KLF9: variants seen among roughly 807,000 people sequenced by gnomAD.
KLF9 encodes Krueppel-like factor 9.
Under a neutral mutation model 17.3 loss-of-function variants are expected in KLF9, and 2 were observed. The ratio of observed to expected loss-of-function variants is 0.12; its 90% CI spans 0.05 to 0.36. The LOEUF is 0.36. Ranked by LOEUF, KLF9 falls within the 10% of genes least tolerant of loss-of-function variation. The probability of loss-of-function intolerance (pLI) is 1.00; values close to 1 mark genes in which losing one functional copy is unlikely to be tolerated. For synonymous variants in KLF9, 138 were observed against 139.2 expected (o/e 0.99, Z 0.06); for missense variants, 226 against 333.2 (o/e 0.68, Z 2.51).
At chr9:70,406,957 C>CT (rs560637705) in intron 1 of KLF9, among the ~76,000 whole-genome samples, 2,971 of 137,798 alleles carry the variant, frequency 0.022, 32 homozygotes, top group Middle Eastern at 0.063. Flanking sequence ...TGCGACAAAG[C>CT]TTTTTTTTTT....
At chr9:70,388,228 C>G (rs1587737727) in intron 1 of KLF9, among the ~76,000 whole-genome samples, 1 of 152,112 alleles carries the variant, frequency 6.6e-6, no homozygotes, top group African/African-American at 2.4e-5. Context: ...TGATGTTAAA[C>G]AAGTTCATGA....
chr9:70,409,135 CATATATATGTATATGTATAT>C (rs1564089334), intron 1 of KLF9, among the ~76,000 whole-genome samples: 1 of 48,932 alleles, frequency 2.0e-5, no homozygotes. Context: ...TATATGTATA[CATATATATGTATATGTATAT>C]ATATACACAT....
In KLF9 at chr9:70,388,000, G is replaced by A. The variant is rs772506798; in HGVS notation, c.511C>T (p.Arg171Trp). 1 of 1,612,286 alleles carries A rather than the reference G, an allele frequency of 6.2e-7. No homozygotes were observed. Residue 171 changes from arginine to tryptophan, a missense_variant, in exon 2 of 2, where the codon CGG becomes TGG. By Grantham distance (101) the Arg-to-Trp change is moderately radical. Transcript: ENST00000377126. ...KAHYRVHTGE[R>W]PFPCTWPDCL... The stretch of plus-strand genomic sequence containing the variant: ...TCTGGCCACGTGCAGGGAAAGGGCC[G>A]TTCACCTAAGAGAAAGGAATCAGAA...
intron 1 of KLF9, among the ~76,000 whole-genome samples, chr9:70,395,678 T>G (rs1449525473): frequency 6.6e-6 from 1 of 152,206 alleles, no homozygotes; most frequent in African/African-American, 2.4e-5. Context: ...ACGTGGTGGT[T>G]CATGCCTGTA....
At position 70,386,497 on chromosome 9, in the gene KLF9, A is replaced by G. The variant is rs2037111352; in HGVS notation, c.*1279T>C. The G allele has an allele frequency of 6.6e-6, 1 of 152,602 alleles. No individual in the cohort carries two copies. The highest frequency in any genetic ancestry group is 6.5e-5 in the Admixed American group (1 of 15,278). 9.5% of individuals were successfully genotyped at this position (152,602 alleles called of 1,614,324 possible). On this transcript the variant is annotated 3_prime_UTR_variant, in exon 2 of 2. Coordinates refer to ENST00000377126, the MANE Select transcript of KLF9 (RefSeq NM_001206.4). ...TATTTTCCCTTGGTGTTCACTAGTT[A>G]TAGGGGTTGATTTTTCTGTTCCTAT...
At position 70,387,703 on chromosome 9, in the gene KLF9, T is replaced by C; in HGVS notation, c.*73A>G. ...GTGTGCCTCTTCTGGGGCTCAGTTTTCACGCGTCTGTTTCCTGGGAGTACT... is the reference window on the plus strand; with the variant it reads ...GTGTGCCTCTTCTGGGGCTCAGTTTCCACGCGTCTGTTTCCTGGGAGTACT... On this transcript the variant is annotated 3_prime_UTR_variant, in exon 2 of 2. Transcript: ENST00000377126. 7.4e-7 allele frequency: 1 copy of C among 1,347,168 alleles called. No individual in the cohort carries two copies. The highest frequency in any genetic ancestry group is 1.1e-6 in the Non-Finnish European group (1 of 945,136). 83.5% of individuals were successfully genotyped at this position (1,347,168 alleles called of 1,614,324 possible). A position where few individuals can be genotyped will look rare whatever the true frequency, so the allele number is the denominator to read the frequency against.
chr9:70,413,461 C>T lies in KLF9; in HGVS notation c.-98G>A. On this transcript the variant is annotated 5_prime_UTR_variant, in exon 1 of 2. Coordinates refer to ENST00000377126, the MANE Select transcript of KLF9 (RefSeq NM_001206.4). The surrounding 1 kb of genome is among the most constrained non-coding windows in gnomAD (Gnocchi z 5.6). ...CTGGCCTCGGACGACGAGCGCGGCGCGGCGCGGCACGGCGCGGCGGCCAAG... is the reference window on the plus strand; with the variant it reads ...CTGGCCTCGGACGACGAGCGCGGCGTGGCGCGGCACGGCGCGGCGGCCAAG... 4 of 1,191,362 alleles carry T rather than the reference C, an allele frequency of 3.4e-6. No homozygotes were observed. The highest frequency in any genetic ancestry group is 3.4e-5 in the East Asian group (1 of 29,562). 73.8% of individuals were successfully genotyped at this position (1,191,362 alleles called of 1,614,324 possible).
chr9:70,395,196 G>A (rs1357585141), intron 1 of KLF9, among the ~76,000 whole-genome samples: 1 of 152,082 alleles, frequency 6.6e-6, no homozygotes, highest in Non-Finnish European at 1.5e-5. Flanking sequence ...TTCTGTACAT[G>A]GTAAATGGGG....
At chr9:70,403,015 T>A (rs982213197) in intron 1 of KLF9, among the ~76,000 whole-genome samples, 4 of 151,858 alleles carry the variant, frequency 2.6e-5, no homozygotes, top group Admixed American at 2.0e-4. Flanking sequence ...CCTGGCATGG[T>A]GGGGTGTGGC....
At chr9:70,403,098 C>T (rs1041484388) in intron 1 of KLF9, among the ~76,000 whole-genome samples, 2 of 151,992 alleles carry the variant, frequency 1.3e-5, no homozygotes, top group African/African-American at 4.8e-5. Flanking sequence ...TGCAGTGAGC[C>T]GAGATTGTGC....
intron 1 of KLF9, among the ~76,000 whole-genome samples, chr9:70,396,172 T>A (rs893314183): frequency 2.0e-5 from 3 of 152,256 alleles, no homozygotes; most frequent in East Asian, 1.9e-4. Flanking sequence ...GATTTATAAT[T>A]AATCCAGGGC....
At position 70,413,345 on chromosome 9, in the gene KLF9, T is replaced by A. The variant is rs1476826763; in HGVS notation, c.19A>T (p.Met7Leu). 6 of 1,560,996 alleles carry A rather than the reference T, an allele frequency of 3.8e-6. No homozygotes were observed. Among genetic ancestry groups the A allele is most frequent in the Non-Finnish European group, 5.2e-6 (6 of 1,155,184 alleles). ...AGACACTGGGCAGCCACGAAGTCCA[T>A]GTAGGCGGCCGCGGACATGGTGCGG... MSAAAYMDFVAAQCLVS... is the reference protein window; with the variant it reads MSAAAYLDFVAAQCLVS... Residue 7 changes from methionine to leucine, a missense_variant, in exon 1 of 2, where the codon ATG (methionine) becomes TTG (leucine). By Grantham distance (15) the Met-to-Leu change is conservative. Transcript: ENST00000377126. This position sits in a 1 kb window ranked among gnomAD's most constrained non-coding sequence, Gnocchi z 5.6.
In KLF9 at chr9:70,410,144, T is replaced by TA. The variant is rs576056105; in HGVS notation, c.505+2714dup. On this transcript the variant is annotated intron_variant, in intron 1 of 1. Coordinates refer to ENST00000377126, the MANE Select transcript of KLF9 (RefSeq NM_001206.4). Reference sequence around the variant, plus strand: ...GATTAAAATACGAGGTACTGCCCCATATCATGATCAGTTCAAGCCAATTGT... The same window carrying TA: ...GATTAAAATACGAGGTACTGCCCCATAATCATGATCAGTTCAAGCCAATTGT... Among the ~76,000 whole-genome samples the TA allele has an allele frequency of 2.0e-3, 305 of 152,366 alleles. 1 individual carries two copies. Among genetic ancestry groups the TA allele is most frequent in the Non-Finnish European group, 3.7e-3 (249 of 68,036 alleles).
chr9:70,393,849 C>T (rs7851391), intron 1 of KLF9, among the ~76,000 whole-genome samples: 47,316 of 151,770 alleles, frequency 0.31, 7,622 homozygotes, highest in East Asian at 0.5. Context: ...GGTGAAACCC[C>T]ATCTCTACCA....
rs766699349 is a variant in KLF9 at position 70,414,011 on chromosome 9, T to A, written c.-648A>T. On this transcript the variant is annotated 5_prime_UTR_variant, in exon 1 of 2. Transcript: ENST00000377126. ...AACCAAACCCCCTCCAATTGGCCAG[T>A]GGGGAGGGTGATTCAACTCTGTTTA... 1 of 152,646 alleles carries A rather than the reference T, an allele frequency of 6.6e-6. No homozygotes were observed. The highest frequency in any genetic ancestry group is 1.5e-5 in the Non-Finnish European group (1 of 68,122). The allele number at this position is 152,646 out of a possible 1,614,324, so 9.5% of individuals were successfully genotyped here.
chr9:70,409,022 GTATA>G (rs778803628), intron 1 of KLF9, among the ~76,000 whole-genome samples: 10 of 99,712 alleles, frequency 1.0e-4, no homozygotes, highest in South Asian at 6.1e-4. Context: ...ACACATATAT[GTATA>G]TATATATATG....
At chr9:70,397,232 T>C (rs546675503) in intron 1 of KLF9, among the ~76,000 whole-genome samples, 21 of 152,256 alleles carry the variant, frequency 1.4e-4, no homozygotes, top group African/African-American at 4.8e-4. Flanking sequence ...TCCAGCACTT[T>C]GGGAGGCCAA....
chr9:70,398,009 T>C (rs1302580565), intron 1 of KLF9, among the ~76,000 whole-genome samples: 2 of 152,180 alleles, frequency 1.3e-5, no homozygotes, highest in Non-Finnish European at 2.9e-5. Context: ...CAATGAACAC[T>C]GAACTCAAAA....
At chr9:70,397,647 T>C (rs1416982065) in intron 1 of KLF9, among the ~76,000 whole-genome samples, 1 of 152,004 alleles carries the variant, frequency 6.6e-6, no homozygotes, top group African/African-American at 2.4e-5. Flanking sequence ...ACAGTAACAG[T>C]AGGGTTGCCC....
Sources: allele counts gnomAD v4.1 joint callset (sites outside exome capture counted in the v4.1 genomes callset), GRCh38; gene constraint gnomAD v4.1.1; non-coding constraint Gnocchi (gnomAD v3.1); transcripts MANE v1.5; gene names NCBI Gene and HGNC (gene_info 2026-07-23, HGNC 2026-07-21).